ZNF181: variants seen among roughly 807,000 people sequenced by gnomAD.
ZNF181 encodes the protein zinc finger protein 181.
In ZNF181, 8 loss-of-function variants were observed where a neutral mutation model predicts 11.9. The observed-to-expected ratio is 0.67, with a 90% CI of 0.39 to 1.21. ZNF181 has a LOEUF of 1.21. ZNF181 is among the 50% of genes most tolerant of loss of function. ZNF181 has a pLI of 0.01. For synonymous variants in ZNF181, 202 were observed against 221.1 expected (o/e 0.91, Z 0.77); for missense variants, 542 against 670.9 (o/e 0.81, Z 2.12).
In ZNF181 at chr19:34,742,220, AGTTT is replaced by A. The variant is rs2068991806; in HGVS notation, c.*128_*131del. ...AGACCTTTTAGCAAAGATGCAGGCC[AGTTT>A]GTTTATTAGACTTTATACTGTAGAG... On this transcript the variant is annotated 3_prime_UTR_variant, in exon 4 of 4. Transcript: ENST00000492450. 3 of 983,868 alleles carry A rather than the reference AGTTT, an allele frequency of 3.0e-6. No individual in the cohort carries two copies. The highest frequency in any genetic ancestry group is 1.6e-5 in the African/African-American group (1 of 61,758). 60.9% of individuals were successfully genotyped at this position (983,868 alleles called of 1,614,324 possible). A position where few individuals can be genotyped will look rare whatever the true frequency, so the allele number is the denominator to read the frequency against.
rs897652221 is a variant in ZNF181 at position 34,741,367 on chromosome 19, CTT to C, written c.989_990del (p.Phe330Ter). 1.9e-6 allele frequency: 3 copies of C among 1,613,740 alleles called. No individual in the cohort carries two copies. In the African/African-American group the frequency reaches 4.0e-5, roughly 22 times the overall value. ...TATGAATGTATGAACTGTGGAAAGT[CTT>C]TTAGTCGTGTGTCCCATCTTATTGA... On this transcript the variant is annotated frameshift_variant, in exon 4 of 4. Transcript: ENST00000492450. LOFTEE classifies it low-confidence loss of function (END_TRUNC).
intron 1 of ZNF181, among the ~76,000 whole-genome samples, chr19:34,737,312 C>T (rs1252136193): frequency 6.6e-6 from 1 of 152,130 alleles, no homozygotes; most frequent in African/African-American, 2.4e-5. Flanking sequence ...AAACCAAAGA[C>T]GAGTATCACT....
In ZNF181 at chr19:34,744,574, G is replaced by C. The variant is rs1344102693; in HGVS notation, c.*2477G>C. 1.3e-5 allele frequency: 2 copies of C among 152,104 alleles called. No homozygotes were observed. Among genetic ancestry groups the C allele is most frequent in the East Asian group, 3.9e-4 (2 of 5,194 alleles). The allele number at this position is 152,104 out of a possible 1,614,324, so 9.4% of individuals were successfully genotyped here. On this transcript the variant is annotated 3_prime_UTR_variant, in exon 4 of 4. Coordinates refer to ENST00000492450, the MANE Select transcript of ZNF181 (RefSeq NM_001029997.4). The stretch of plus-strand genomic sequence containing the variant: ...TCAGGAGGCTGAGTGGGGAGGGATT[G>C]CTTGAGTACAGGAGTTTTAAGGTCA...
intron 3 of ZNF181, among the ~76,000 whole-genome samples, chr19:34,740,217 G>T (rs2068948783): frequency 1.3e-5 from 2 of 152,092 alleles, no homozygotes; most frequent in African/African-American, 4.8e-5. Context: ...TGTTAATCTG[G>T]CAGCAAATTG....
rs1422720328 is a variant in ZNF181, at chr19:34,734,791, G to T, written c.-247G>T. The T allele has an allele frequency of 1.4e-5, 7 of 498,154 alleles. No homozygotes were observed. Among genetic ancestry groups the T allele is most frequent in the Admixed American group, 7.2e-5 (2 of 27,714 alleles). The allele number at this position is 498,154 out of a possible 1,614,324, so 30.9% of individuals were successfully genotyped here. A position where few individuals can be genotyped will look rare whatever the true frequency, so the allele number is the denominator to read the frequency against. On this transcript the variant is annotated 5_prime_UTR_variant, in exon 1 of 4. Coordinates refer to ENST00000492450, the MANE Select transcript of ZNF181 (RefSeq NM_001029997.4). ...ATTTACAGAGTAATTGATTTTCCTC[G>T]CAGGTGGCACCTGGTAAATGGTTAG...
chr19:34,736,349 T>C (rs769337993), intron 1 of ZNF181: 2 of 607,318 alleles, frequency 3.3e-6, no homozygotes, highest in Non-Finnish European at 5.9e-6. Flanking sequence ...TCTTGAACCC[T>C]GTGGTGTGCG....
rs1177802413 is a variant in ZNF181 at position 34,744,013 on chromosome 19, G to A, written c.*1916G>A. ...GTGTATGGACACTGATGCAAGTGAA[G>A]GGGTGTGATATGGATTATGCTTCAG... is the stretch of plus-strand genomic sequence containing the variant. On this transcript the variant is annotated 3_prime_UTR_variant, in exon 4 of 4. Transcript: ENST00000492450. The A allele has an allele frequency of 6.6e-6, 1 of 152,240 alleles. No homozygotes were observed. Among genetic ancestry groups the A allele is most frequent in the Non-Finnish European group, 1.5e-5 (1 of 68,052 alleles). 9.4% of individuals were successfully genotyped at this position (152,240 alleles called of 1,614,324 possible). A position where few individuals can be genotyped will look rare whatever the true frequency, so the allele number is the denominator to read the frequency against.
At position 34,736,314 on chromosome 19, in the gene ZNF181, G is replaced by A. The variant is rs1429325418; in HGVS notation, c.9+1268G>A. 1.9e-5 allele frequency: 12 copies of A among 629,496 alleles called. No individual in the cohort carries two copies. The Admixed American group carries it at 2.0e-4, about 10-fold the overall frequency. The allele number at this position is 629,496 out of a possible 1,614,324, so 39.0% of individuals were successfully genotyped here. A position where few individuals can be genotyped will look rare whatever the true frequency, so the allele number is the denominator to read the frequency against. ...TACATGCCTGTTTTTCCAGCTATTCGGGAGGGTGATGAGTTGAGAAAATTT... is the reference window on the plus strand; with the variant it reads ...TACATGCCTGTTTTTCCAGCTATTCAGGAGGGTGATGAGTTGAGAAAATTT... On this transcript the variant is annotated intron_variant, in intron 1 of 3. Coordinates refer to ENST00000492450, the MANE Select transcript of ZNF181 (RefSeq NM_001029997.4).
At chr19:34,737,056 CTTGA>C (rs773823092) in intron 1 of ZNF181, among the ~76,000 whole-genome samples, 7 of 152,282 alleles carry the variant, frequency 4.6e-5, no homozygotes, top group Admixed American at 3.9e-4. Context: ...TAAGGTCTTA[CTTGA>C]TTATTTGGAA....
chr19:34,738,986 C>T (rs557814670), intron 1 of ZNF181, among the ~76,000 whole-genome samples, 162 bp from the exon 2 acceptor site: 1 of 152,310 alleles, frequency 6.6e-6, no homozygotes, highest in South Asian at 2.1e-4. Context: ...ATTCCAACTA[C>T]ATAACTGTCC....
In ZNF181 at chr19:34,741,493, A is replaced by C. The variant is rs767932094; in HGVS notation, c.1112A>C (p.His371Pro). Residue 371 changes from histidine to proline, a missense_variant, in exon 4 of 4, where the codon CAT becomes CCT. His to Pro is a moderately conservative substitution (Grantham distance 77). Coordinates refer to ENST00000492450, the MANE Select transcript of ZNF181 (RefSeq NM_001029997.4). ...TCTCTCATTCACCATCAGAAAATCC[A>C]TACTGGAGAGAAGCCTTATGAATGT... ...RSSLIHHQKI[H>P]TGEKPYECRE... The C allele has an allele frequency of 4.0e-5, 65 of 1,613,674 alleles. 1 individual carries two copies. The highest frequency in any genetic ancestry group is 3.3e-4 in the Middle Eastern group (2 of 6,080).
chr19:34,743,993 T>G lies in ZNF181; in HGVS notation c.*1896T>G, dbSNP rs1376988570. 1 of 152,200 alleles carries G rather than the reference T, an allele frequency of 6.6e-6. No individual in the cohort carries two copies. The highest frequency in any genetic ancestry group is 1.5e-5 in the Non-Finnish European group (1 of 68,034). The allele number at this position is 152,200 out of a possible 1,614,324, so 9.4% of individuals were successfully genotyped here. ...GCAGATCAATTTGATTTGGAGTGTA[T>G]GGACACTGATGCAAGTGAAGGGGTG... On this transcript the variant is annotated 3_prime_UTR_variant, in exon 4 of 4. Coordinates refer to ENST00000492450, the MANE Select transcript of ZNF181 (RefSeq NM_001029997.4).
chr19:34,737,915 T>C (rs1398007941), intron 1 of ZNF181, among the ~76,000 whole-genome samples: 1 of 152,156 alleles, frequency 6.6e-6, no homozygotes, highest in African/African-American at 2.4e-5. Context: ...TAAAAGTCAT[T>C]TGCCTGCCAC....
chr19:34,740,499 G>A (rs2145423574), intron 3 of ZNF181, 112 bp from the exon 4 acceptor site: 3 of 1,093,182 alleles, frequency 2.7e-6, no homozygotes, highest in Non-Finnish European at 4.0e-6. Flanking sequence ...AGAACTATGT[G>A]TTTTCTGGGG....
Position 34,743,034 on chromosome 19 carries a change from C to T in ZNF181, c.*937C>T, listed in dbSNP as rs928489276. 4 of 152,134 alleles carry T rather than the reference C, an allele frequency of 2.6e-5. No individual in the cohort carries two copies. Among genetic ancestry groups the T allele is most frequent in the African/African-American group, 9.7e-5 (4 of 41,414 alleles). The allele number at this position is 152,134 out of a possible 1,614,324, so 9.4% of individuals were successfully genotyped here. A position where few individuals can be genotyped will look rare whatever the true frequency, so the allele number is the denominator to read the frequency against. ...TTATTCAGAGTCAATTTCCAGTAGG[C>T]TTAATCAAATACATTTCAAAAAAAT... On this transcript the variant is annotated 3_prime_UTR_variant, in exon 4 of 4. Transcript: ENST00000492450.
At chr19:34,736,997 C>T (rs906079530) in intron 1 of ZNF181, among the ~76,000 whole-genome samples, 3 of 152,158 alleles carry the variant, frequency 2.0e-5, no homozygotes, top group African/African-American at 7.2e-5. Context: ...AGTGGCAACT[C>T]CAATTAACAG....
Position 34,740,622 on chromosome 19 carries a change from A to T in ZNF181, c.241A>T (p.Arg81Ter). Residue 81 changes from arginine (R) to a stop codon, truncating the protein, a stop_gained, in exon 4 of 4, where the codon AGA (arginine) becomes TGA (stop). Coordinates refer to ENST00000492450, the MANE Select transcript of ZNF181 (RefSeq NM_001029997.4). LOFTEE classifies it low-confidence loss of function (END_TRUNC). The stretch of plus-strand genomic sequence containing the variant: ...TTGATGTATTTCAGATTGGGAATCA[A>T]GATGGGAAAACAAGGAATTATCAAC... ...SKGMIPDWES[R>*]WENKELSTKK... is the part of the protein sequence containing the mutation. 6.4e-7 allele frequency: 1 copy of T among 1,563,968 alleles called. No individual in the cohort carries two copies. The highest frequency in any genetic ancestry group is 8.6e-7 in the Non-Finnish European group (1 of 1,158,078).
intron 1 of ZNF181, among the ~76,000 whole-genome samples, 155 bp from the exon 2 acceptor site, chr19:34,738,993 G>C (rs1225911142): frequency 5.9e-5 from 9 of 152,174 alleles, no homozygotes; most frequent in Middle Eastern, 3.4e-3. Context: ...CTACATAACT[G>C]TCCTATTATT....
chr19:34,736,793 A>G (rs560763281), intron 1 of ZNF181, among the ~76,000 whole-genome samples: 1 of 152,260 alleles, frequency 6.6e-6, no homozygotes, highest in Non-Finnish European at 1.5e-5. Context: ...GTAAGAAAGC[A>G]TAAGAAATTA....
Sources: gnomAD v4.1 joint callset for allele counts (sites outside exome capture counted in the v4.1 genomes callset) on GRCh38, gnomAD v4.1.1 for gene constraint, MANE v1.5 for transcripts, NCBI Gene and HGNC (gene_info 2026-07-23, HGNC 2026-07-21) for gene names.